The following MAEA variants were observed in gnomAD, a reference collection of about 807,000 sequenced individuals.
MAEA encodes the protein macrophage erythroblast attacher, E3 ubiquitin ligase.
MAEA carries 22 observed loss-of-function variants against 46.2 expected under a neutral mutation model. The observed-to-expected ratio is 0.48, with a 90% CI of 0.34 to 0.68. The LOEUF is 0.68. Among genes scored for constraint, MAEA ranks in the 30% least tolerant of loss-of-function variants. MAEA has a pLI of 0.01. For synonymous variants in MAEA, 246 were observed against 222.6 expected (o/e 1.11, Z -0.94); for missense variants, 393 against 558.1 (o/e 0.70, Z 2.98).
intron 3 of MAEA, 147 bp downstream of exon 3, chr4:1,315,747 C>A: frequency 3.5e-6 from 2 of 567,934 alleles, no homozygotes; most frequent in Non-Finnish European, 6.2e-6. Context: ...TTCCCCTCCC[C>A]CCACCCCCGT....
intron 1 of MAEA, among the ~76,000 whole-genome samples, chr4:1,295,931 C>T (rs1485549645): frequency 2.2e-5 from 3 of 138,212 alleles, no homozygotes; most frequent in Non-Finnish European, 3.1e-5. Flanking sequence ...CACCCCCTCA[C>T]CCACACCTGT....
intron 1 of MAEA, among the ~76,000 whole-genome samples, chr4:1,294,973 T>C (rs886549749): frequency 3.3e-5 from 5 of 151,876 alleles, no homozygotes; most frequent in East Asian, 1.9e-4. Flanking sequence ...CACAGCACCA[T>C]TGGGGTGATG....
intron 6 of MAEA, among the ~76,000 whole-genome samples, chr4:1,333,906 CCA>C (rs1280981295): frequency 2.4e-5 from 1 of 42,284 alleles, no homozygotes; most frequent in Non-Finnish European, 4.7e-5. Flanking sequence ...ACCCCCATGC[CCA>C]CCTGTGCTCA....
chr4:1,326,970 C>A (rs769602720), intron 4 of MAEA, among the ~76,000 whole-genome samples: 1 of 151,814 alleles, frequency 6.6e-6, no homozygotes, highest in African/African-American at 2.4e-5. Flanking sequence ...AGCCAGCAAC[C>A]CCACATGTGG....
At chr4:1,317,043 CGG>C (rs1560357267) in intron 3 of MAEA, among the ~76,000 whole-genome samples, 103 of 119,980 alleles carry the variant, frequency 8.6e-4, no homozygotes, top group Non-Finnish European at 1.5e-3. Flanking sequence ...CAGGCCCACC[CGG>C]TCCCACACTC....
chr4:1,319,985 G>GA (rs200385974), intron 3 of MAEA, among the ~76,000 whole-genome samples: 1,627 of 139,074 alleles, frequency 0.012, 44 homozygotes, highest in African/African-American at 0.043. Context: ...CTTCAGAAAA[G>GA]AATCATCAAA....
At chr4:1,291,758 T>G (rs1734131848) in intron 1 of MAEA, among the ~76,000 whole-genome samples, 1 of 152,222 alleles carries the variant, frequency 6.6e-6, no homozygotes, top group Non-Finnish European at 1.5e-5. Context: ...AAAGGATTCT[T>G]CTTCAGGTCT....
chr4:1,305,935 G>T (rs372772924), intron 1 of MAEA, among the ~76,000 whole-genome samples: 1 of 152,194 alleles, frequency 6.6e-6, no homozygotes, highest in South Asian at 2.1e-4. Context: ...TGTCGGGCGG[G>T]CGGGAGATCC....
At chr4:1,328,495 A>C (rs761952732) in intron 5 of MAEA, 14 of 522,390 alleles carry the variant, frequency 2.7e-5, no homozygotes, top group Non-Finnish European at 3.9e-5. Flanking sequence ...CCTTGCGGTG[A>C]CGCTTGAGTT....
chr4:1,335,302 G>A (rs1577243523), intron 6 of MAEA: 1 of 985,488 alleles, frequency 1.0e-6, no homozygotes, highest in Non-Finnish European at 1.2e-6. Context: ...AGCTGTGTGA[G>A]TCTATTTTTT....
chr4:1,290,308 C>G (rs1479179479), intron 1 of MAEA, among the ~76,000 whole-genome samples: 1 of 151,990 alleles, frequency 6.6e-6, no homozygotes, highest in Non-Finnish European at 1.5e-5. Context: ...CGTGGGGTCT[C>G]TGGCGCCCAG....
intron 1 of MAEA, among the ~76,000 whole-genome samples, chr4:1,298,760 A>G (rs570138956): frequency 4.1e-4 from 62 of 152,094 alleles, no homozygotes; most frequent in Middle Eastern, 3.4e-3. Context: ...GACTGATAGG[A>G]CCCTCTGTGT....
chr4:1,307,738 G>A (rs776644844), intron 1 of MAEA, among the ~76,000 whole-genome samples: 6 of 152,156 alleles, frequency 3.9e-5, no homozygotes, highest in Non-Finnish European at 8.8e-5. Context: ...AACATCCAAA[G>A]GCCAGAGACC....
intron 2 of MAEA, chr4:1,312,413 A>G (rs1577170805): frequency 2.4e-6 from 1 of 410,592 alleles, no homozygotes; most frequent in African/African-American, 2.6e-5. Flanking sequence ...GATGTATAGC[A>G]GGTTGATTGA....
chr4:1,332,698 T>G, intron 5 of MAEA, 59 bp from the exon 6 acceptor site: 2 of 1,357,534 alleles, frequency 1.5e-6, no homozygotes, highest in Non-Finnish European at 2.1e-6. Context: ...AGTGAAACCC[T>G]GTCTCTAAAA....
chr4:1,340,130 A>G lies in MAEA; in HGVS notation c.*961A>G, dbSNP rs1577255336. 4 of 152,628 alleles carry G rather than the reference A, an allele frequency of 2.6e-5. No individual in the cohort carries two copies. Among genetic ancestry groups the G allele is most frequent in the African/African-American group, 4.8e-5 (2 of 41,452 alleles). The allele number at this position is 152,628 out of a possible 1,614,324, so 9.5% of individuals were successfully genotyped here. On this transcript the variant is annotated 3_prime_UTR_variant, in exon 9 of 9. Coordinates refer to ENST00000303400, the MANE Select transcript of MAEA (RefSeq NM_001017405.3). ...AACCATGCGAATAAAATGGTTTTCT[A>G]TTTCTCATTTCCGTGTGAGCCGAGG...
intron 3 of MAEA, among the ~76,000 whole-genome samples, chr4:1,321,694 G>C (rs796599061): frequency 2.8e-4 from 43 of 152,200 alleles, no homozygotes; most frequent in African/African-American, 1.0e-3. Context: ...CATTGCTGCT[G>C]AGGACCACCT....
intron 3 of MAEA, among the ~76,000 whole-genome samples, chr4:1,316,385 C>T (rs894389750): frequency 2.0e-5 from 3 of 151,800 alleles, no homozygotes; most frequent in Non-Finnish European, 4.4e-5. Context: ...GTCGCCCTTG[C>T]CCCTGTCCAG....
chr4:1,338,346 CAG>C lies in MAEA; in HGVS notation c.900-73_900-72del. The stretch of plus-strand genomic sequence containing the variant: ...AGCCAGAAGGGCACGCAGCCCAGGG[CAG>C]AGTGGCCACAGGGGGCTGGGCTCAC... On this transcript the variant is annotated intron_variant, in intron 7 of 8. Coordinates refer to ENST00000303400, the MANE Select transcript of MAEA (RefSeq NM_001017405.3). 2.5e-6 allele frequency: 3 copies of C among 1,205,426 alleles called. No homozygotes were observed. The African/African-American group carries it at 4.5e-5, about 18-fold the overall frequency. The allele number at this position is 1,205,426 out of a possible 1,614,324, so 74.7% of individuals were successfully genotyped here. A position where few individuals can be genotyped will look rare whatever the true frequency, so the allele number is the denominator to read the frequency against.
Sources: allele counts gnomAD v4.1 joint callset (sites outside exome capture counted in the v4.1 genomes callset), GRCh38; gene constraint gnomAD v4.1.1; transcripts MANE v1.5; gene names NCBI Gene and HGNC (gene_info 2026-07-23, HGNC 2026-07-21).